The following KHDRBS2 variants were observed in gnomAD, a reference collection of about 807,000 sequenced individuals.
KHDRBS2 encodes KH RNA binding domain containing, signal transduction associated 2.
A neutral mutation model predicts 44.3 loss-of-function variants in KHDRBS2; 26 were observed. The observed-to-expected ratio is 0.59, with a 90% CI of 0.43 to 0.81. The LOEUF is 0.81. Among genes scored for constraint, KHDRBS2 ranks in the 40% least tolerant of loss-of-function variants. The probability of loss-of-function intolerance (pLI) is 0.00; values close to 1 mark genes in which losing one functional copy is unlikely to be tolerated. For synonymous variants in KHDRBS2, 194 were observed against 151.1 expected (o/e 1.28, Z -2.08); for missense variants, 476 against 433.1 (o/e 1.10, Z -0.88).
intron 1 of KHDRBS2, among the ~76,000 whole-genome samples, chr6:62,182,387 T>C (rs547831117): frequency 3.9e-5 from 6 of 152,182 alleles, no homozygotes; most frequent in African/African-American, 1.4e-4. Context: ...AGAACCACTG[T>C]ACAACATAGT....
the KHDRBS2 span, among the ~76,000 whole-genome samples, chr6:61,662,257 T>C: frequency 6.6e-6 from 1 of 152,128 alleles, no homozygotes; most frequent in Admixed American, 6.6e-5. Context: ...TCGAGATGGA[T>C]TAAAGACTTA....
intron 6 of KHDRBS2, among the ~76,000 whole-genome samples, chr6:61,849,453 A>G (rs1020707165): frequency 6.6e-6 from 1 of 152,096 alleles, no homozygotes; most frequent in African/African-American, 2.4e-5. Flanking sequence ...ATTTTGAAAC[A>G]TCTACATTAT....
intron 3 of KHDRBS2, among the ~76,000 whole-genome samples, chr6:62,041,004 C>T (rs1225218387): frequency 6.6e-6 from 1 of 152,068 alleles, no homozygotes; most frequent in Non-Finnish European, 1.5e-5. Flanking sequence ...TGGCCCCTTT[C>T]CATATTGGTT....
intron 6 of KHDRBS2, among the ~76,000 whole-genome samples, chr6:61,776,601 C>T (rs561902400): frequency 8.5e-4 from 129 of 152,266 alleles, no homozygotes; most frequent in African/African-American, 3.0e-3. Context: ...CCTTCTCACA[C>T]CAGTTAGAAT....
chr6:61,698,346 AC>A (rs1365857135), intron 7 of KHDRBS2, among the ~76,000 whole-genome samples: 4 of 151,954 alleles, frequency 2.6e-5, no homozygotes, highest in African/African-American at 9.7e-5. Flanking sequence ...ATTCATACTT[AC>A]TCCCTAGGCA....
At chr6:62,120,033 G>A (rs894334106) in intron 2 of KHDRBS2, among the ~76,000 whole-genome samples, 11 of 152,184 alleles carry the variant, frequency 7.2e-5, no homozygotes, top group African/African-American at 2.4e-4. Context: ...GATATTAAGG[G>A]TGTGGAATAA....
intron 2 of KHDRBS2, among the ~76,000 whole-genome samples, chr6:62,059,049 T>G (rs1790985504): frequency 6.6e-6 from 1 of 151,402 alleles, no homozygotes; most frequent in African/African-American, 2.4e-5. Context: ...TTCAGAAAAC[T>G]TAGAACTCCA....
At chr6:61,553,890 GTGTT>G in the KHDRBS2 span, among the ~76,000 whole-genome samples, 10 of 152,024 alleles carry the variant, frequency 6.6e-5, no homozygotes, top group Non-Finnish European at 8.8e-5. Flanking sequence ...AAGTTTTTAA[GTGTT>G]TGTTTGGAGA....
At chr6:61,658,213 T>G in the KHDRBS2 span, among the ~76,000 whole-genome samples, 1 of 151,922 alleles carries the variant, frequency 6.6e-6, no homozygotes, top group South Asian at 2.1e-4. Context: ...ATACAAGTTT[T>G]CAGGCAAGCT....
At chr6:61,798,653 T>A (rs550524485) in intron 6 of KHDRBS2, among the ~76,000 whole-genome samples, 1 of 152,168 alleles carries the variant, frequency 6.6e-6, no homozygotes, top group South Asian at 2.1e-4. Context: ...CAAATAATTA[T>A]CTTTTTCTTC....
At chr6:61,648,986 T>G in the KHDRBS2 span, among the ~76,000 whole-genome samples, 2,526 of 152,152 alleles carry the variant, frequency 0.017, 38 homozygotes, top group Non-Finnish European at 0.024. Context: ...TTTCTGAGCT[T>G]TTGTAGGGGA....
At chr6:61,691,363 C>G (rs1273347016) in intron 8 of KHDRBS2, among the ~76,000 whole-genome samples, 2 of 151,918 alleles carry the variant, frequency 1.3e-5, no homozygotes, top group South Asian at 4.1e-4. Flanking sequence ...AATGGCAACC[C>G]CTGAAATAGC....
chr6:62,014,261 A>G (rs1048892967), intron 3 of KHDRBS2, among the ~76,000 whole-genome samples: 1 of 152,162 alleles, frequency 6.6e-6, no homozygotes, highest in Non-Finnish European at 1.5e-5. Context: ...GATAAGAATC[A>G]ATTACATTTA....
chr6:62,274,966 T>C (rs1479754109), intron 1 of KHDRBS2, among the ~76,000 whole-genome samples: 2 of 150,940 alleles, frequency 1.3e-5, no homozygotes, highest in Non-Finnish European at 3.0e-5. Flanking sequence ...CCAATTAACG[T>C]ATGCTTAACA....
intron 4 of KHDRBS2, among the ~76,000 whole-genome samples, chr6:61,965,359 C>A (rs1236459856): frequency 2.0e-5 from 3 of 151,956 alleles, no homozygotes; most frequent in Non-Finnish European, 4.4e-5. Context: ...GGGAAGGAGA[C>A]CAGATATTAG....
chr6:62,090,693 G>A (rs1222507932), intron 2 of KHDRBS2, among the ~76,000 whole-genome samples: 2 of 151,960 alleles, frequency 1.3e-5, no homozygotes, highest in African/African-American at 4.8e-5. Context: ...TTATCCAAGA[G>A]TCTGATTTAA....
At chr6:61,635,627 A>G in the KHDRBS2 span, among the ~76,000 whole-genome samples, 1 of 152,012 alleles carries the variant, frequency 6.6e-6, no homozygotes, top group African/African-American at 2.4e-5. Flanking sequence ...GACTAAATCT[A>G]GGCTTTTTAA....
the KHDRBS2 span, among the ~76,000 whole-genome samples, chr6:61,547,660 C>T: frequency 6.6e-6 from 1 of 152,128 alleles, no homozygotes; most frequent in Non-Finnish European, 1.5e-5. Context: ...AATACAAACA[C>T]ATGAAAACAA....
intron 2 of KHDRBS2, among the ~76,000 whole-genome samples, chr6:62,102,272 A>G (rs1286672204): frequency 2.0e-5 from 3 of 152,198 alleles, no homozygotes; most frequent in Admixed American, 6.5e-5. Context: ...CTCTTCTCAC[A>G]TTGCTATGAA....
Sources: gnomAD v4.1 joint callset for allele counts (sites outside exome capture counted in the v4.1 genomes callset) on GRCh38, gnomAD v4.1.1 for gene constraint, MANE v1.5 for transcripts, NCBI Gene and HGNC (gene_info 2026-07-23, HGNC 2026-07-21) for gene names.